CAMKMT: variants seen among roughly 807,000 people sequenced by gnomAD.
CAMKMT encodes the protein CaM KMT.
In CAMKMT, 53 loss-of-function variants were observed where a neutral mutation model predicts 48.0. The ratio of observed to expected loss-of-function variants is 1.10; its 90% CI spans 0.89 to 1.39. CAMKMT has a LOEUF of 1.39. Among genes scored for constraint, CAMKMT ranks in the 40% most tolerant of loss-of-function variants. CAMKMT has a pLI of 0.00. For synonymous variants in CAMKMT, 165 were observed against 152.3 expected, an observed-to-expected ratio of 1.08 and a Z score of -0.61; for missense variants, 428 against 402.7, an observed-to-expected ratio of 1.06 and a Z score of -0.54.
At chr2:44,681,622 T>G (rs1676026642) in intron 3 of CAMKMT, among the ~76,000 whole-genome samples, 1 of 151,766 alleles carries the variant, frequency 6.6e-6, no homozygotes, top group African/African-American at 2.4e-5. Flanking sequence ...TCTCTGATAA[T>G]TTGGAGTACA....
chr2:44,691,064 G>C (rs1676627202), intron 3 of CAMKMT, among the ~76,000 whole-genome samples: 1 of 152,180 alleles, frequency 6.6e-6, no homozygotes, highest in African/African-American at 2.4e-5. Context: ...CCAGTCTATA[G>C]TATGGAGTAG....
chr2:44,441,791 T>C lies in CAMKMT; in HGVS notation c.376+51486T>C, dbSNP rs111577714. ...CTTACAGCTTTAAATCATTCTTGCC[T>C]TTTTAATATTTATAAGGAACCACAG... On this transcript the variant is annotated intron_variant, in intron 3 of 10. Transcript: ENST00000378494. Among the ~76,000 whole-genome samples, 1,250 of 152,302 alleles carry C rather than the reference T, an allele frequency of 8.2e-3. 15 individuals are homozygous for C. Among genetic ancestry groups the C allele is most frequent in the African/African-American group, 0.029 (1,194 of 41,560 alleles).
At chr2:44,479,495 A>T (rs1392291127) in intron 3 of CAMKMT, among the ~76,000 whole-genome samples, 1 of 152,176 alleles carries the variant, frequency 6.6e-6, no homozygotes, top group African/African-American at 2.4e-5. Context: ...TTAAACCAAC[A>T]TTTTTGAGGT....
rs1558846415 is a variant in CAMKMT at position 44,772,112 on chromosome 2, A to C, written c.971A>C (p.Ter324SerextTer25). 2 of 1,612,124 alleles carry C rather than the reference A, an allele frequency of 1.2e-6. No homozygotes were observed. Among genetic ancestry groups the C allele is most frequent in the Non-Finnish European group, 1.7e-6 (2 of 1,178,674 alleles). Residue 324 changes from the stop codon to serine, a stop_lost, in exon 11 of 11, where the codon TAG becomes TCG. Coordinates refer to ENST00000378494, the MANE Select transcript of CAMKMT (RefSeq NM_024766.5). ...CTGCTTATTTTGACCAAACATGGAT[A>C]GAAGATTAAGCTTCTCAAAGACGAA... ...PLLLILTKHG* is the reference protein window; with the variant it reads ...PLLLILTKHGS
intron 3 of CAMKMT, among the ~76,000 whole-genome samples, chr2:44,530,110 A>G (rs764215): frequency 0.023 from 3,514 of 152,288 alleles, 150 homozygotes; most frequent in African/African-American, 0.081. Flanking sequence ...GCTCACTTCA[A>G]TGTCATAGTA....
At chr2:44,721,037 A>G (rs1678435959) in intron 7 of CAMKMT, among the ~76,000 whole-genome samples, 1 of 152,100 alleles carries the variant, frequency 6.6e-6, no homozygotes, top group South Asian at 2.1e-4. Flanking sequence ...ATTGTTTTGA[A>G]TATTTTGCAG....
intron 3 of CAMKMT, among the ~76,000 whole-genome samples, chr2:44,536,676 A>G (rs1338199276): frequency 1.3e-5 from 2 of 152,074 alleles, no homozygotes; most frequent in South Asian, 2.1e-4. Context: ...CCAAATTTGT[A>G]TGGAACCAAA....
chr2:44,456,684 G>C, intron 3 of CAMKMT: 1 of 1,391,946 alleles, frequency 7.2e-7, no homozygotes, highest in Non-Finnish European at 9.8e-7. Flanking sequence ...TTTTGGCCAA[G>C]GCATCCTACC....
chr2:44,415,191 A>G (rs1361287793), intron 3 of CAMKMT, among the ~76,000 whole-genome samples: 2 of 152,188 alleles, frequency 1.3e-5, no homozygotes, highest in Admixed American at 6.5e-5. Flanking sequence ...CTTACTAGAT[A>G]TGTGTCAGAT....
At chr2:44,447,987 G>T (rs1005888244) in intron 3 of CAMKMT, among the ~76,000 whole-genome samples, 2 of 151,970 alleles carry the variant, frequency 1.3e-5, no homozygotes, top group Admixed American at 6.6e-5. Flanking sequence ...ATTTATAAGT[G>T]GTATAATGCT....
chr2:44,544,723 C>T (rs1307262852), intron 3 of CAMKMT, among the ~76,000 whole-genome samples: 1 of 152,160 alleles, frequency 6.6e-6, no homozygotes, highest in Non-Finnish European at 1.5e-5. Flanking sequence ...TTCATTTTCT[C>T]TCATCAACCC....
In CAMKMT at chr2:44,598,230, G is replaced by A. The variant is rs552737358; in HGVS notation, c.377-106053G>A. Among the ~76,000 whole-genome samples, 102 of 152,048 alleles carry A rather than the reference G, an allele frequency of 6.7e-4. 1 individual carries two copies. Among genetic ancestry groups the A allele is most frequent in the African/African-American group, 2.3e-3 (95 of 41,406 alleles). On this transcript the variant is annotated intron_variant, in intron 3 of 10. Coordinates refer to ENST00000378494, the MANE Select transcript of CAMKMT (RefSeq NM_024766.5). ...GGAAATGCTAAATTTGGTTAGTTTAGTAAAAATAAGAATATTTTTTCCTTG... is the reference window on the plus strand; with the variant it reads ...GGAAATGCTAAATTTGGTTAGTTTAATAAAAATAAGAATATTTTTTCCTTG...
chr2:44,703,913 C>A (rs1433492878), intron 3 of CAMKMT, among the ~76,000 whole-genome samples: 1 of 151,832 alleles, frequency 6.6e-6, no homozygotes, highest in Non-Finnish European at 1.5e-5. Flanking sequence ...CTAATATGGG[C>A]TGCATATATA....
intron 3 of CAMKMT, among the ~76,000 whole-genome samples, chr2:44,530,488 A>G (rs1666424653): frequency 6.6e-6 from 1 of 152,188 alleles, no homozygotes; most frequent in Non-Finnish European, 1.5e-5. Flanking sequence ...AAGATTAGCT[A>G]CATTGTTGGC....
chr2:44,606,256 G>T (rs942648050), intron 3 of CAMKMT, among the ~76,000 whole-genome samples: 1 of 152,080 alleles, frequency 6.6e-6, no homozygotes, highest in Non-Finnish European at 1.5e-5. Context: ...ATTTTGTTTG[G>T]AAAAGAAAAC....
At chr2:44,683,280 A>T (rs1676125815) in intron 3 of CAMKMT, among the ~76,000 whole-genome samples, 1 of 152,196 alleles carries the variant, frequency 6.6e-6, no homozygotes, top group Admixed American at 6.5e-5. Flanking sequence ...AGTATGATTC[A>T]TTTCTTCAAA....
intron 3 of CAMKMT, among the ~76,000 whole-genome samples, chr2:44,418,118 G>T (rs934404089): frequency 6.6e-6 from 1 of 151,722 alleles, no homozygotes; most frequent in Non-Finnish European, 1.5e-5. Context: ...ATTGAACCTG[G>T]GAGGCAGAGG....
chr2:44,442,631 C>T (rs573141919), intron 3 of CAMKMT, among the ~76,000 whole-genome samples: 114 of 152,260 alleles, frequency 7.5e-4, no homozygotes, highest in African/African-American at 2.5e-3. Flanking sequence ...ATTCTCTGAC[C>T]GACTTCTACT....
chr2:44,575,447 T>A (rs1420326238), intron 3 of CAMKMT, among the ~76,000 whole-genome samples: 2 of 152,236 alleles, frequency 1.3e-5, no homozygotes, highest in Non-Finnish European at 2.9e-5. Context: ...ACATAGGTCT[T>A]GCCCATTGTT....
Sources: gnomAD v4.1 joint callset for allele counts (sites outside exome capture counted in the v4.1 genomes callset) on GRCh38, gnomAD v4.1.1 for gene constraint, MANE v1.5 for transcripts, NCBI Gene and HGNC (gene_info 2026-07-23, HGNC 2026-07-21) for gene names.